The following ZNF682 variants were observed in gnomAD, a reference collection of about 807,000 sequenced individuals.
The protein encoded by ZNF682 is zinc finger protein 682.
In ZNF682, 29 loss-of-function variants were observed where a neutral mutation model predicts 36.5. That is an observed-to-expected ratio of 0.80 (90% CI 0.59 to 1.08). The LOEUF is 1.08. Ranked by LOEUF, ZNF682 falls within the 50% of genes least tolerant of loss-of-function variation. ZNF682 has a pLI of 0.00. For missense variants in ZNF682, 561 were observed against 579.7 expected (o/e 0.97, Z 0.33); for synonymous variants, 180 against 197.0 (o/e 0.91, Z 0.72).
At chr19:20,001,363 T>A (rs920736751), downstream of ZNF682, among the ~76,000 whole-genome samples, 5 of 152,040 alleles carry the variant, frequency 3.3e-5, no homozygotes, top group African/African-American at 1.2e-4. Context: ...AAAAAGGGGG[T>A]GAGACTACTT....
chr19:20,021,026 G>A (rs2088378949), intron 3 of ZNF682, among the ~76,000 whole-genome samples: 1 of 150,524 alleles, frequency 6.6e-6, no homozygotes, highest in Non-Finnish European at 1.5e-5. Context: ...TCTATATCAG[G>A]GGTATCCAAT....
At chr19:20,035,768 C>A (rs1375502570) in intron 1 of ZNF682, among the ~76,000 whole-genome samples, 2 of 151,872 alleles carry the variant, frequency 1.3e-5, no homozygotes, top group Non-Finnish European at 2.9e-5. Flanking sequence ...TGGAGTCTCA[C>A]TCTCTTGCCC....
intron 3 of ZNF682, among the ~76,000 whole-genome samples, chr19:20,013,094 A>G (rs1331439418): frequency 2.0e-5 from 3 of 152,122 alleles, no homozygotes; most frequent in Non-Finnish European, 4.4e-5. Context: ...GAAGAAGACA[A>G]TAGACTAAAA....
intron 1 of ZNF682, chr19:20,031,214 G>C (rs2122383406): frequency 6.6e-6 from 1 of 152,346 alleles, no homozygotes; most frequent in East Asian, 1.9e-4. Flanking sequence ...TTGGGTAAGA[G>C]GAATGACAGG....
chr19:20,005,812 C>T lies in ZNF682; in HGVS notation c.*193G>A. ...AATGCTTTGCCACATTCTTTAAAATCAGAATTTTTCTCAGCATGAATTTTC... is the reference window on the plus strand; with the variant it reads ...AATGCTTTGCCACATTCTTTAAAATTAGAATTTTTCTCAGCATGAATTTTC... On this transcript the variant is annotated 3_prime_UTR_variant, in exon 4 of 4. Transcript: ENST00000397165. The T allele has an allele frequency of 3.6e-6, 2 of 560,102 alleles. No homozygotes were observed. Among genetic ancestry groups the T allele is most frequent in the Non-Finnish European group, 6.0e-6 (2 of 332,042 alleles). 34.7% of individuals were successfully genotyped at this position (560,102 alleles called of 1,614,324 possible). A position where few individuals can be genotyped will look rare whatever the true frequency, so the allele number is the denominator to read the frequency against.
At chr19:20,023,501 A>C (rs556193676) in intron 2 of ZNF682, among the ~76,000 whole-genome samples, 76 of 152,268 alleles carry the variant, frequency 5.0e-4, no homozygotes, top group Non-Finnish European at 1.0e-3. Flanking sequence ...CATCTCAAAA[A>C]AAAAGAAAGA....
At chr19:20,000,500 C>A (rs1166614022), downstream of ZNF682, among the ~76,000 whole-genome samples, 1 of 152,198 alleles carries the variant, frequency 6.6e-6, no homozygotes, top group African/African-American at 2.4e-5. Flanking sequence ...CCCACACCAC[C>A]CCCCACTGCC....
intron 1 of ZNF682, among the ~76,000 whole-genome samples, chr19:20,031,366 T>G (rs971676089): frequency 6.6e-6 from 1 of 152,212 alleles, no homozygotes; most frequent in African/African-American, 2.4e-5. Context: ...CTCACACAAC[T>G]GCAGCAGGTC....
chr19:20,034,746 C>G (rs1018444119), intron 1 of ZNF682, among the ~76,000 whole-genome samples: 6 of 145,598 alleles, frequency 4.1e-5, no homozygotes, highest in African/African-American at 1.5e-4. Flanking sequence ...GCACTCCAGT[C>G]TGGGGCAACA....
At chr19:20,020,906 G>A (rs1022668296) in intron 3 of ZNF682, among the ~76,000 whole-genome samples, 4 of 152,104 alleles carry the variant, frequency 2.6e-5, no homozygotes, top group Admixed American at 6.5e-5. Flanking sequence ...ACCCAGTCTC[G>A]AAGTGGGGAA....
At chr19:20,009,321 G>A (rs1198119254) in intron 3 of ZNF682, among the ~76,000 whole-genome samples, 1 of 152,000 alleles carries the variant, frequency 6.6e-6, no homozygotes, top group Non-Finnish European at 1.5e-5. Context: ...TCAGAAGATA[G>A]TAAAGAAAAA....
chr19:20,003,239 A>T (rs1366044247), downstream of ZNF682, among the ~76,000 whole-genome samples: 1 of 150,558 alleles, frequency 6.6e-6, no homozygotes, highest in Admixed American at 6.6e-5. Context: ...GCAACAAAGG[A>T]AAGATTGGCT....
rs182845369 is a variant in ZNF682, at chr19:20,005,953, T to C, written c.*52A>G. On this transcript the variant is annotated 3_prime_UTR_variant, in exon 4 of 4. Coordinates refer to ENST00000397165, the MANE Select transcript of ZNF682 (RefSeq NM_033196.3). ...ATTTCAATGCCTTGAGCAAGATTTA[T>C]GGAATTTGCCACATTCTTTACATTT... The C allele has an allele frequency of 2.9e-5, 43 of 1,497,746 alleles. No homozygotes were observed. In the East Asian group the frequency reaches 9.3e-4, roughly 32 times the overall value. 92.8% of individuals were successfully genotyped at this position (1,497,746 alleles called of 1,614,324 possible). A position where few individuals can be genotyped will look rare whatever the true frequency, so the allele number is the denominator to read the frequency against.
chr19:20,006,922 T>C lies in ZNF682; in HGVS notation c.580A>G (p.Ile194Val). 2 of 1,613,926 alleles carry C rather than the reference T, an allele frequency of 1.2e-6. No individual in the cohort carries two copies. Among genetic ancestry groups the C allele is most frequent in the Non-Finnish European group, 1.7e-6 (2 of 1,179,874 alleles). ...SHSGLSYHKI[I>V]HTEEKLCICE... is the part of the protein sequence containing the mutation. The stretch of plus-strand genomic sequence containing the variant: ...ATGCAGAGTTTCTCTTCAGTGTGAA[T>C]TATCTTATGATAAGAAAGGCCTGAG... Residue 194 changes from isoleucine (I) to valine (V), a missense_variant, in exon 4 of 4, where the codon ATT (isoleucine) becomes GTT (valine). Ile to Val is a conservative substitution (Grantham distance 29). Coordinates refer to ENST00000397165, the MANE Select transcript of ZNF682 (RefSeq NM_033196.3).
downstream of ZNF682, among the ~76,000 whole-genome samples, chr19:19,995,464 C>T (rs766697013): frequency 3.3e-5 from 5 of 151,996 alleles, no homozygotes; most frequent in Non-Finnish European, 7.4e-5. Flanking sequence ...CGAATGGGCT[C>T]AAGGAACGCA....
At position 20,037,734 on chromosome 19, in the gene ZNF682, G is replaced by C. The variant is rs550290410; in HGVS notation, c.3+1609C>G. The stretch of plus-strand genomic sequence containing the variant: ...CTGGGTTGGGTGTTCCTTGTCCTTG[G>C]GGATATTTTTTTTCTCTCTTCACCA... On this transcript the variant is annotated intron_variant, in intron 1 of 3. Transcript: ENST00000397165. Among the ~76,000 whole-genome samples, 7 of 152,160 alleles carry C rather than the reference G, an allele frequency of 4.6e-5. No individual in the cohort carries two copies. The South Asian group carries it at 1.5e-3, about 32-fold the overall frequency.
At chr19:20,023,241 G>T in intron 2 of ZNF682, 142 bp from the exon 3 acceptor site, 1 of 669,018 alleles carries the variant, frequency 1.5e-6, no homozygotes. Context: ...GCTCATACCT[G>T]TAATCCCAAC....
rs140872680 is a variant in ZNF682, at chr19:20,026,611, C to T, written c.4-2235G>A. Among the ~76,000 whole-genome samples the T allele has an allele frequency of 6.5e-3, 987 of 152,176 alleles. 5 individuals are homozygous for T. Among genetic ancestry groups the T allele is most frequent in the African/African-American group, 0.023 (938 of 41,544 alleles). On this transcript the variant is annotated intron_variant, in intron 1 of 3. Coordinates refer to ENST00000397165, the MANE Select transcript of ZNF682 (RefSeq NM_033196.3). Reference sequence around the variant, plus strand: ...CTTCCAAGTAGCTGGACCACAGGCACGTGCCACCACACCTGGCTAATTTTT... The same window carrying T: ...CTTCCAAGTAGCTGGACCACAGGCATGTGCCACCACACCTGGCTAATTTTT...
chr19:20,028,897 G>A (rs1241374969), intron 1 of ZNF682, among the ~76,000 whole-genome samples: 1 of 152,110 alleles, frequency 6.6e-6, no homozygotes, highest in African/African-American at 2.4e-5. Flanking sequence ...TAACACCCTG[G>A]GAGGTGGGTA....
Sources: gnomAD v4.1 joint callset for allele counts (sites outside exome capture counted in the v4.1 genomes callset) on GRCh38, gnomAD v4.1.1 for gene constraint, MANE v1.5 for transcripts, NCBI Gene and HGNC (gene_info 2026-07-23, HGNC 2026-07-21) for gene names.